NUP58: variants seen among roughly 807,000 people sequenced by gnomAD.
NUP58 encodes nucleoporin 58.
A neutral mutation model predicts 70.1 loss-of-function variants in NUP58; 17 were observed. That is an observed-to-expected ratio of 0.24 (90% CI 0.17 to 0.36). NUP58 has a LOEUF of 0.36. Ranked by LOEUF, NUP58 falls within the 10% of genes least tolerant of loss-of-function variation. NUP58 has a pLI of 1.00. For missense variants in NUP58, 644 were observed against 701.5 expected (o/e 0.92, Z 0.93); for synonymous variants, 275 against 257.6 (o/e 1.07, Z -0.65).
chr13:25,339,766 CTCTT>C (rs1396185782), intron 15 of NUP58, among the ~76,000 whole-genome samples, 195 bp from the exon 16 acceptor site: 4 of 152,178 alleles, frequency 2.6e-5, no homozygotes, highest in African/African-American at 7.2e-5. Context: ...TCACTACACT[CTCTT>C]TCAGGGTGCC....
In NUP58 at chr13:25,309,249, A is replaced by G; in HGVS notation, c.253A>G (p.Ile85Val). ...TTTATTTCTCTTTTTGTCCCCAGGA[A>G]TAGCAACAACTATAACTACAGGATT... ...GFTLGGTNTG[I>V]ATTITTGLTL... Residue 85 changes from isoleucine to valine, a missense_variant and splice_region_variant, in exon 3 of 16, where the codon ATA becomes GTA. By Grantham distance (29) the Ile-to-Val change is conservative (BLOSUM62 3). This residue lies in a region of NUP58 where 430 missense variants were observed against 409.2 expected (regional missense o/e 1.05). Transcript: ENST00000381736. 1.2e-6 allele frequency: 2 copies of G among 1,605,566 alleles called. No homozygotes were observed. Among genetic ancestry groups the G allele is most frequent in the East Asian group, 2.2e-5 (1 of 44,732 alleles).
rs911207791 is a variant in NUP58 at position 25,332,246 on chromosome 13, A to G, written c.1435+688A>G. 13 of 985,390 alleles carry G rather than the reference A, an allele frequency of 1.3e-5. No individual in the cohort carries two copies. In the African/African-American group the frequency reaches 1.6e-4, roughly 12 times the overall value. The allele number at this position is 985,390 out of a possible 1,614,324, so 61.0% of individuals were successfully genotyped here. A position where few individuals can be genotyped will look rare whatever the true frequency, so the allele number is the denominator to read the frequency against. On this transcript the variant is annotated intron_variant, in intron 13 of 15. Transcript: ENST00000381736. Reference sequence around the variant, plus strand: ...TGAACAGATGAAAATAATTGGTGACATGGAAAGCAGATTGTTTTATTTCTT... The same window carrying G: ...TGAACAGATGAAAATAATTGGTGACGTGGAAAGCAGATTGTTTTATTTCTT...
downstream of NUP58, among the ~76,000 whole-genome samples, chr13:25,343,824 T>C (rs889372672): frequency 1.0e-3 from 138 of 135,200 alleles, no homozygotes; most frequent in Middle Eastern, 3.8e-3. Flanking sequence ...TATATATATA[T>C]ATACACATAT....
At chr13:25,319,978 G>T (rs1327949199) in intron 7 of NUP58, among the ~76,000 whole-genome samples, 1 of 152,100 alleles carries the variant, frequency 6.6e-6, no homozygotes, top group African/African-American at 2.4e-5. Flanking sequence ...ATTGCAGCAT[G>T]CCAGATGTCA....
intron 15 of NUP58, among the ~76,000 whole-genome samples, chr13:25,339,176 AT>A (rs2031880784): frequency 6.6e-6 from 1 of 152,178 alleles, no homozygotes; most frequent in Admixed American, 6.5e-5. Context: ...TTTCTTGTTC[AT>A]TTTTGAAATA....
Position 25,331,514 on chromosome 13 carries a change from T to C in NUP58, c.1391T>C (p.Val464Ala), listed in dbSNP as rs1234123356. 10 of 1,614,004 alleles carry C rather than the reference T, an allele frequency of 6.2e-6. No homozygotes were observed. The African/African-American group carries it at 1.2e-4, about 19-fold the overall frequency. The change falls in exon 13 of 16, where the codon GTT becomes GCT. Residue 464 changes from valine (V) to alanine (A), a missense_variant. This residue lies in a region of NUP58 where 132 missense variants were observed against 203.9 expected (regional missense o/e 0.65). Transcript: ENST00000381736. ...AGCACCATGCCAAACGCAGCAGCCG[T>C]TGCCATGGCTGCAACACTTACACAG... ...PFSTMPNAAA[V>A]AMAATLTQQQ... is the part of the protein sequence containing the mutation.
At chr13:25,343,843 GCA>G (rs925151458), downstream of NUP58, among the ~76,000 whole-genome samples, 6 of 139,544 alleles carry the variant, frequency 4.3e-5, no homozygotes, top group East Asian at 2.3e-4. Context: ...ATATATATAC[GCA>G]CACACACACA....
At chr13:25,314,417 T>C (rs186511106) in intron 5 of NUP58, among the ~76,000 whole-genome samples, 81 of 152,106 alleles carry the variant, frequency 5.3e-4, no homozygotes, top group South Asian at 2.7e-3. Flanking sequence ...TTTATTAGGC[T>C]GGACACGGTG....
At chr13:25,306,359 A>G (rs369185979) in intron 1 of NUP58, among the ~76,000 whole-genome samples, 2 of 145,436 alleles carry the variant, frequency 1.4e-5, no homozygotes, top group South Asian at 4.3e-4. Context: ...GTGCCACTGC[A>G]CTCCAGCCTG....
At position 25,307,893 on chromosome 13, in the gene NUP58, C is replaced by G. The variant is rs143556359; in HGVS notation, c.195C>G (p.Thr65=). The G allele has an allele frequency of 6.2e-7, 1 of 1,614,104 alleles. No individual in the cohort carries two copies. Among genetic ancestry groups the G allele is most frequent in the African/African-American group, 1.3e-5 (1 of 75,028 alleles). The change falls in exon 2 of 16, where the codon ACC becomes ACG. Residue 65 remains threonine, a synonymous_variant. Coordinates refer to ENST00000381736, the MANE Select transcript of NUP58 (RefSeq NM_014089.4). The part of the protein sequence containing the change: ...TTSAPSSGFG[T]GLFGSKPATG... The stretch of plus-strand genomic sequence containing the variant: ...CTGCTCCTTCAAGTGGTTTTGGAAC[C>G]GGGCTCTTTGGATCTAAACCTGCCA...
rs1357254853 is a variant in NUP58, at chr13:25,321,030, G to A, written c.888G>A (p.Leu296=). 1.2e-6 allele frequency: 2 copies of A among 1,600,598 alleles called. No homozygotes were observed. The highest frequency in any genetic ancestry group is 2.3e-5 in the South Asian group (2 of 88,120). Reference sequence around the variant, plus strand: ...AAGCTCTGAAGCAGCTCCTGTCGTTGGCTGCCAATGGAATACAGAGAAACA... The same window carrying A: ...AAGCTCTGAAGCAGCTCCTGTCGTTAGCTGCCAATGGAATACAGAGAAACA... The part of the protein sequence containing the change: ...DIKALKQLLS[L]AANGIQRNTL... Residue 296 remains leucine, a synonymous_variant, in exon 9 of 16, where the codon TTG becomes TTA. Transcript: ENST00000381736.
In NUP58 at chr13:25,329,320, CT is replaced by C. The variant is rs200999397; in HGVS notation, c.1233+1815del. 1.2e-3 allele frequency among the ~76,000 whole-genome samples: 182 copies of C among 152,144 alleles called. 3 individuals carry two copies. The highest frequency in any genetic ancestry group is 8.1e-3 in the East Asian group (42 of 5,182). ...TTTTATCAATGCTCCACAGAAGATG[CT>C]TTTTTTCCCCCCACGAAGTATTTCA... is the stretch of plus-strand genomic sequence containing the variant. On this transcript the variant is annotated intron_variant, in intron 12 of 15. Coordinates refer to ENST00000381736, the MANE Select transcript of NUP58 (RefSeq NM_014089.4).
At chr13:25,345,320 A>T (rs141128791), downstream of NUP58, among the ~76,000 whole-genome samples, 37 of 152,290 alleles carry the variant, frequency 2.4e-4, no homozygotes, top group East Asian at 7.2e-3. Flanking sequence ...GATTTTCATG[A>T]CTAACTGAAA....
At chr13:25,327,629 A>G in intron 12 of NUP58, 117 bp downstream of exon 12, 1 of 607,848 alleles carries the variant, frequency 1.6e-6, no homozygotes, top group Non-Finnish European at 2.9e-6. Flanking sequence ...ATAAGTGAAA[A>G]GATGAAAACT....
chr13:25,303,174 T>C (rs2030117984), intron 1 of NUP58: 1 of 446,182 alleles, frequency 2.2e-6, no homozygotes, highest in South Asian at 1.6e-5. Context: ...AAAACAAAAT[T>C]CCCATTGCTC....
At chr13:25,305,091 A>G (rs573089672) in intron 1 of NUP58, among the ~76,000 whole-genome samples, 5 of 147,644 alleles carry the variant, frequency 3.4e-5, no homozygotes, top group East Asian at 2.0e-4. Context: ...TGTTAAAAAT[A>G]CCTTTTAAAT....
chr13:25,314,733 A>T (rs564874674), intron 5 of NUP58, among the ~76,000 whole-genome samples: 1 of 152,300 alleles, frequency 6.6e-6, no homozygotes, highest in African/African-American at 2.4e-5. Context: ...ATACAGATTT[A>T]TCAACACAAG....
In NUP58 at chr13:25,349,451, T is replaced by C. The variant is rs146492482; in HGVS notation, n.322-111T>C. 115 of 152,578 alleles carry C rather than the reference T, an allele frequency of 7.5e-4. 1 individual carries two copies. The highest frequency in any genetic ancestry group is 2.6e-3 in the African/African-American group (110 of 41,562). The allele number at this position is 152,578 out of a possible 1,614,324, so 9.5% of individuals were successfully genotyped here. On this transcript the variant is annotated intron_variant and non_coding_transcript_variant, in intron 3 of 3. Transcript: ENST00000477876. Reference sequence around the variant, plus strand: ...CCATCTTATAGGTTGACTGTGAAGATTAAAATGGTTTAGCTTACGTAAGGT... The same window carrying C: ...CCATCTTATAGGTTGACTGTGAAGACTAAAATGGTTTAGCTTACGTAAGGT...
At chr13:25,345,956 C>G (rs1399270835), downstream of NUP58, among the ~76,000 whole-genome samples, 1 of 152,082 alleles carries the variant, frequency 6.6e-6, no homozygotes, top group Non-Finnish European at 1.5e-5. Flanking sequence ...AAACAAAAAA[C>G]CTACCAGGCT....
Sources: allele counts gnomAD v4.1 joint callset (sites outside exome capture counted in the v4.1 genomes callset), GRCh38; gene constraint gnomAD v4.1.1; regional missense constraint gnomAD v4.1.1; transcripts MANE v1.5; gene names NCBI Gene and HGNC (gene_info 2026-07-23, HGNC 2026-07-21).